RBFOX1: variants seen among roughly 807,000 people sequenced by gnomAD.
RBFOX1 encodes the protein RNA binding protein fox-1 homolog 1.
A neutral mutation model predicts 57.7 loss-of-function variants in RBFOX1; 8 were observed. The observed-to-expected ratio is 0.14, with a 90% confidence interval of 0.08 to 0.25. RBFOX1 has a LOEUF of 0.25. Ranked by LOEUF, RBFOX1 falls within the 10% of genes least tolerant of loss-of-function variation. The probability of loss-of-function intolerance (pLI) is 1.00; values close to 1 mark genes in which losing one functional copy is unlikely to be tolerated. For missense variants in RBFOX1, 611 were observed against 548.5 expected, an observed-to-expected ratio of 1.11 and a Z score of -1.14; for synonymous variants, 326 against 222.4, an observed-to-expected ratio of 1.47 and a Z score of -4.15.
rs117697233 is a variant in RBFOX1, at chr16:6,214,498, G to C, written c.-126-102497G>C. On this transcript the variant is annotated intron_variant, in intron 1 of 15. Transcript: ENST00000550418. ...AAGGAGAGGGGGAGAGGGAGACAGG[G>C]AGAGAGGGAAAAGTGGAGAGGAAGA... Among the ~76,000 whole-genome samples the C allele has an allele frequency of 2.1e-3, 290 of 136,842 alleles. 10 individuals carry two copies. The East Asian group carries it at 0.054, about 26-fold the overall frequency. The allele number at this position is 136,842 out of a possible 152,430, so 89.8% of individuals were successfully genotyped here. A position where few individuals can be genotyped will look rare whatever the true frequency, so the allele number is the denominator to read the frequency against.
At chr16:5,748,521 A>G (rs1225824180) in intron 3 of RBFOX1, among the ~76,000 whole-genome samples, 5 of 152,116 alleles carry the variant, frequency 3.3e-5, no homozygotes, top group African/African-American at 1.2e-4. Context: ...GTCTCTTTGT[A>G]GGTCTCTAAG....
chr16:5,767,433 G>T (rs1311636093), intron 3 of RBFOX1, among the ~76,000 whole-genome samples: 1 of 152,322 alleles, frequency 6.6e-6, no homozygotes, highest in East Asian at 1.9e-4. Context: ...TGCCCATTCA[G>T]CTGGGGAGAG....
intron 3 of RBFOX1, among the ~76,000 whole-genome samples, chr16:6,672,522 AAAAGAAAAGAAAGAACAGGAG>A (rs1210603818): frequency 4.6e-5 from 7 of 151,784 alleles, no homozygotes; most frequent in Non-Finnish European, 8.8e-5. Context: ...GATGGGAGAA[AAAAGAAAAGAAAGAACAGGAG>A]AAAGAAAAGA....
chr16:6,986,938 C>T (rs190075315), intron 3 of RBFOX1, among the ~76,000 whole-genome samples: 1 of 152,184 alleles, frequency 6.6e-6, no homozygotes, highest in East Asian at 1.9e-4. Context: ...CACCTGCCCA[C>T]CCCGCCTGCA....
intron 3 of RBFOX1, among the ~76,000 whole-genome samples, chr16:5,657,658 T>TTTCTTTCTTTCTTTC (rs772199587): frequency 7.2e-4 from 91 of 126,222 alleles, no homozygotes; most frequent in African/African-American, 2.6e-3. Flanking sequence ...CTTTCTTTTC[T>TTTCTTTCTTTCTTTC]TTTCTTTCTT....
chr16:5,423,229 A>G (rs2067408903), intron 1 of RBFOX1, among the ~76,000 whole-genome samples: 1 of 152,072 alleles, frequency 6.6e-6, no homozygotes, highest in Non-Finnish European at 1.5e-5. Flanking sequence ...CCAAGGTGAC[A>G]TCTTGTACAA....
chr16:7,622,165 A>C (rs778646368), intron 10 of RBFOX1, among the ~76,000 whole-genome samples: 2 of 152,144 alleles, frequency 1.3e-5, no homozygotes, highest in African/African-American at 4.8e-5. Flanking sequence ...TGTTAGAACC[A>C]TGGGTCCAGG....
At chr16:6,673,510 C>T (rs374428094) in intron 3 of RBFOX1, among the ~76,000 whole-genome samples, 5 of 152,148 alleles carry the variant, frequency 3.3e-5, no homozygotes, top group Non-Finnish European at 1.5e-5. Flanking sequence ...ATCACCTGAA[C>T]CCAGGAGGTG....
At chr16:6,320,357 G>T (rs887399184) in intron 2 of RBFOX1, among the ~76,000 whole-genome samples, 2 of 152,026 alleles carry the variant, frequency 1.3e-5, no homozygotes, top group Non-Finnish European at 2.9e-5. Context: ...GGGAGGTTTT[G>T]TAAGTATTGG....
intron 14 of RBFOX1, among the ~76,000 whole-genome samples, chr16:7,685,678 G>A (rs1224688510): frequency 1.3e-5 from 2 of 152,070 alleles, no homozygotes; most frequent in Non-Finnish European, 2.9e-5. Context: ...AATATATAGA[G>A]GCAGTAGCAA....
chr16:5,629,663 C>T (rs1347179985), intron 3 of RBFOX1, among the ~76,000 whole-genome samples: 1 of 152,176 alleles, frequency 6.6e-6, no homozygotes, highest in Non-Finnish European at 1.5e-5. Flanking sequence ...AATAGTTGCT[C>T]TGAGCCTTGG....
At chr16:5,981,845 G>A (rs927964499) in intron 4 of RBFOX1, among the ~76,000 whole-genome samples, 1 of 152,188 alleles carries the variant, frequency 6.6e-6, no homozygotes, top group African/African-American at 2.4e-5. Flanking sequence ...GGATATTTTT[G>A]GCTGTCAGAA....
intron 3 of RBFOX1, among the ~76,000 whole-genome samples, chr16:6,898,268 C>T (rs554896546): frequency 2.6e-5 from 4 of 152,080 alleles, no homozygotes; most frequent in East Asian, 1.9e-4. Context: ...CACCTGCCAT[C>T]CTCAAGCTGC....
intron 4 of RBFOX1, among the ~76,000 whole-genome samples, chr16:7,290,025 A>G (rs2095735794): frequency 6.6e-6 from 1 of 152,160 alleles, no homozygotes; most frequent in Admixed American, 6.5e-5. Context: ...TAGGAGAGTA[A>G]ACCTATAATC....
chr16:5,919,229 T>A (rs2058768619), intron 4 of RBFOX1, among the ~76,000 whole-genome samples: 1 of 152,254 alleles, frequency 6.6e-6, no homozygotes, highest in Non-Finnish European at 1.5e-5. Context: ...TTCTAGTTAA[T>A]GCCTATTTCT....
At chr16:6,225,429 C>A (rs991714081) in intron 1 of RBFOX1, among the ~76,000 whole-genome samples, 3 of 152,112 alleles carry the variant, frequency 2.0e-5, no homozygotes, top group Non-Finnish European at 2.9e-5. Flanking sequence ...GAATCAAGAT[C>A]AACCCTATCT....
chr16:6,567,833 C>T (rs4786885), intron 2 of RBFOX1, among the ~76,000 whole-genome samples: 71,864 of 151,906 alleles, frequency 0.47, 19,416 homozygotes, highest in East Asian at 0.68. Context: ...TTTAAAATTC[C>T]TTTTTAGAGA....
intron 1 of RBFOX1, among the ~76,000 whole-genome samples, chr16:6,313,947 C>T (rs193029907): frequency 5.3e-5 from 8 of 152,240 alleles, no homozygotes; most frequent in Admixed American, 3.9e-4. Context: ...TGGTTCTCAG[C>T]CTCTGTTTTT....
chr16:5,964,217 G>C (rs949502759), intron 4 of RBFOX1, among the ~76,000 whole-genome samples: 3 of 152,162 alleles, frequency 2.0e-5, no homozygotes, highest in Non-Finnish European at 2.9e-5. Context: ...ATACCTATTA[G>C]GATGGCTGTT....
Sources: gnomAD v4.1 joint callset for allele counts (sites outside exome capture counted in the v4.1 genomes callset) on GRCh38, gnomAD v4.1.1 for gene constraint, MANE v1.5 for transcripts, NCBI Gene and HGNC (gene_info 2026-07-23, HGNC 2026-07-21) for gene names.